Variants in ABCC8 observed in about 807,000 individuals in gnomAD.
ABCC8 encodes ATP binding cassette subfamily C member 8, also known as ATP-binding cassette sub-family C member 8.
A neutral mutation model predicts 188.0 loss-of-function variants in ABCC8; 137 were observed. The ratio of observed to expected loss-of-function variants is 0.73; its 90% CI spans 0.63 to 0.84. The LOEUF (loss-of-function observed/expected upper bound fraction) is 0.84, where lower values mean the gene tolerates loss of function less well. Ranked by LOEUF, ABCC8 falls within the 40% of genes least tolerant of loss-of-function variation. The pLI is 0.00. For missense variants in ABCC8, 1,750 were observed against 2,072.7 expected, an observed-to-expected ratio of 0.84 and a Z score of 3.02; for synonymous variants, 797 against 846.5, an observed-to-expected ratio of 0.94 and a Z score of 1.01.
In ABCC8 at chr11:17,463,515, G is replaced by A. The variant is rs756823374; in HGVS notation, c.502C>T (p.Arg168Cys). The change falls in exon 4 of 39, where the codon CGC becomes TGC. Residue 168 changes from arginine to cysteine, a missense_variant. Arg to Cys is a radical substitution (Grantham distance 180). Coordinates refer to ENST00000389817, the MANE Select transcript of ABCC8 (RefSeq NM_000352.6). Reference protein sequence around the residue: ...LDHAIGFSQLRFCLTGLLVIL... With the variant: ...LDHAIGFSQLCFCLTGLLVIL... Reference sequence around the variant, plus strand: ...ACCAGCAGCCCTGTGAGGCAGAAGCGTAGCTGCGAGAAGCCGATGGCGTGG... The same window carrying A: ...ACCAGCAGCCCTGTGAGGCAGAAGCATAGCTGCGAGAAGCCGATGGCGTGG... 1.2e-5 allele frequency: 20 copies of A among 1,600,116 alleles called. No individual in the cohort carries two copies. Among genetic ancestry groups the A allele is most frequent in the Middle Eastern group, 1.6e-4 (1 of 6,070 alleles).
chr11:17,398,870 C>G (rs986434258), intron 29 of ABCC8: 3 of 277,738 alleles, frequency 1.1e-5, no homozygotes, highest in African/African-American at 6.6e-5. Flanking sequence ...CATCAGCTTC[C>G]TGAATACGTC....
At chr11:17,463,372 C>G in intron 4 of ABCC8, 66 bp downstream of exon 4, 1 of 1,387,882 alleles carries the variant, frequency 7.2e-7, no homozygotes, top group Non-Finnish European at 1.0e-6. Context: ...GGGGCCTGAA[C>G]CCAGGGCAGG....
At chr11:17,415,186 C>T (rs1591766794) in intron 18 of ABCC8, 118 bp downstream of exon 18, 3 of 1,436,632 alleles carry the variant, frequency 2.1e-6, no homozygotes, top group Non-Finnish European at 1.9e-6. Context: ...TCCCTGGCCT[C>T]CCCCAACACT....
At chr11:17,445,354 C>T (rs1956483326) in intron 8 of ABCC8, among the ~76,000 whole-genome samples, 2 of 152,138 alleles carry the variant, frequency 1.3e-5, no homozygotes, top group South Asian at 4.1e-4. Flanking sequence ...CCAATGGGTA[C>T]GGGTTTCTTT....
At chr11:17,432,458 T>G in intron 10 of ABCC8, 1 of 1,004,344 alleles carries the variant, frequency 1.0e-6, no homozygotes, top group Non-Finnish European at 1.4e-6. Context: ...GGCCCCCGAC[T>G]CTGGGGCTTA....
At position 17,450,621 on chromosome 11, in the gene ABCC8, T is replaced by C. The variant is rs566446669; in HGVS notation, c.1177-1950A>G. On this transcript the variant is annotated intron_variant, in intron 7 of 38. Coordinates refer to ENST00000389817, the MANE Select transcript of ABCC8 (RefSeq NM_000352.6). ...ACCATGTTAGCCAGGATGGTCTCGA[T>C]CTCCTGACCTTGTGATCCACCCGCC... Among the ~76,000 whole-genome samples, 5 of 148,292 alleles carry C rather than the reference T, an allele frequency of 3.4e-5. No homozygotes were observed. In the South Asian group the frequency reaches 8.6e-4, roughly 25 times the overall value.
rs1484689392 is a variant in ABCC8 at position 17,412,701 on chromosome 11, G to A, written c.2521C>T (p.Arg841Ter). 3 of 1,612,030 alleles carry A rather than the reference G, an allele frequency of 1.9e-6. No individual in the cohort carries two copies. The highest frequency in any genetic ancestry group is 2.2e-5 in the East Asian group (1 of 44,788). ...ACGTTGGCGTGCTGGTAGAGGGCTC[G>A]GGCCACACTGATTCGCTGGCGTTGA... The part of the protein sequence containing the change: ...GGQRQRISVA[R>*]ALYQHANVVF... Residue 841 changes from arginine (R) to a stop codon, truncating the protein, a stop_gained, in exon 21 of 39, where the codon CGA becomes TGA. Coordinates refer to ENST00000389817, the MANE Select transcript of ABCC8 (RefSeq NM_000352.6). LOFTEE classifies it high-confidence loss of function.
chr11:17,443,728 C>T (rs567946181), intron 8 of ABCC8, among the ~76,000 whole-genome samples: 57 of 152,344 alleles, frequency 3.7e-4, no homozygotes, highest in African/African-American at 1.4e-3. Context: ...GGCAAAGTTA[C>T]TGCACCCATG....
intron 8 of ABCC8, among the ~76,000 whole-genome samples, chr11:17,445,575 C>T (rs771546068): frequency 3.9e-5 from 6 of 152,230 alleles, no homozygotes; most frequent in Non-Finnish European, 8.8e-5. Context: ...TTATAAAAAG[C>T]CTTACGTGCC....
At chr11:17,446,688 G>A (rs1956542400) in intron 8 of ABCC8, among the ~76,000 whole-genome samples, 1 of 152,170 alleles carries the variant, frequency 6.6e-6, no homozygotes, top group African/African-American at 2.4e-5. Context: ...TGGAGCGGGG[G>A]CAGTCTGGGC....
chr11:17,396,842 C>T, intron 33 of ABCC8, 74 bp downstream of exon 33: 1 of 1,581,978 alleles, frequency 6.3e-7, no homozygotes, highest in Non-Finnish European at 8.6e-7. Context: ...GACTGCGAAG[C>T]CATCCAGCTC....
At position 17,476,671 on chromosome 11, in the gene ABCC8, G is replaced by A. The variant is rs1565001297; in HGVS notation, c.106C>T (p.His36Tyr). ...CFVDALNVVPHVFLLFITFPI... is the reference protein window; with the variant it reads ...CFVDALNVVPYVFLLFITFPI... Reference sequence around the variant, plus strand: ...AAGGTGATGAAGAGTAGGAAGACGTGCGGCACCACGTTGAGCGCGTCCACA... The same window carrying A: ...AAGGTGATGAAGAGTAGGAAGACGTACGGCACCACGTTGAGCGCGTCCACA... The change falls in exon 1 of 39, where the codon CAC (histidine) becomes TAC (tyrosine). Residue 36 changes from histidine (H) to tyrosine (Y), a missense_variant. Transcript: ENST00000389817. The A allele has an allele frequency of 3.7e-6, 6 of 1,612,388 alleles. No homozygotes were observed. The highest frequency in any genetic ancestry group is 2.2e-5 in the East Asian group (1 of 44,824).
Position 17,406,634 on chromosome 11 carries a change from A to G in ABCC8, c.3317T>C (p.Leu1106Pro). The G allele has an allele frequency of 6.2e-7, 1 of 1,614,104 alleles. No homozygotes were observed. Among genetic ancestry groups the G allele is most frequent in the Non-Finnish European group, 8.5e-7 (1 of 1,179,946 alleles). ...GGGAGACGGGTACCTCATGGGGGCT[A>G]GGATGATCCGGTTTAGCAGGCTGCG... The part of the protein sequence containing the change: ...LHRSLLNRII[L>P]APMRFFETTP... Residue 1106 changes from leucine to proline, a missense_variant, in exon 26 of 39, where the codon CTA becomes CCA. Leu to Pro is a moderately conservative substitution (Grantham distance 98). Transcript: ENST00000389817.
chr11:17,425,654 T>A (rs1392757060), intron 16 of ABCC8, among the ~76,000 whole-genome samples: 1 of 152,188 alleles, frequency 6.6e-6, no homozygotes, highest in African/African-American at 2.4e-5. Context: ...CAGTTCCTAT[T>A]TTCTTACCTT....
chr11:17,455,862 C>G (rs984325494), intron 6 of ABCC8, among the ~76,000 whole-genome samples: 7 of 151,070 alleles, frequency 4.6e-5, no homozygotes, highest in African/African-American at 1.7e-4. Context: ...TTGCTTGAAC[C>G]CAGGAGGCAG....
At chr11:17,445,827 G>C (rs931034406) in intron 8 of ABCC8, among the ~76,000 whole-genome samples, 5 of 152,212 alleles carry the variant, frequency 3.3e-5, no homozygotes, top group Admixed American at 1.3e-4. Flanking sequence ...TACAAGGGAG[G>C]GGGGCTGGGA....
chr11:17,453,230 G>C lies in ABCC8; in HGVS notation c.1065C>G (p.Ala355=). The stretch of plus-strand genomic sequence containing the variant: ...GGAACAGAAGCACAGCTAAGACGTA[G>C]GCATTGGCAAGGAACTCTTGGGATG... ...FVSSQEFLAN[A]YVLAVLLFLA... is the part of the protein sequence containing the mutation. The change falls in exon 7 of 39, where the codon GCC becomes GCG. Residue 355 remains alanine, a synonymous_variant. Transcript: ENST00000389817. The C allele has an allele frequency of 1.2e-6, 2 of 1,614,166 alleles. No homozygotes were observed. The highest frequency in any genetic ancestry group is 8.5e-7 in the Non-Finnish European group (1 of 1,180,032).
At chr11:17,474,566 G>T (rs1407437257) in intron 2 of ABCC8, among the ~76,000 whole-genome samples, 8 of 151,730 alleles carry the variant, frequency 5.3e-5, no homozygotes, top group Non-Finnish European at 8.8e-5. Flanking sequence ...TTCCAAGAAG[G>T]TAACTCCGGC....
chr11:17,395,348 C>T, intron 35 of ABCC8, 73 bp from the exon 36 acceptor site: 1 of 1,549,954 alleles, frequency 6.5e-7, no homozygotes, highest in Non-Finnish European at 8.7e-7. Flanking sequence ...GCAAAGAGGG[C>T]AGTGAGCGAG....
Sources: allele counts gnomAD v4.1 joint callset (sites outside exome capture counted in the v4.1 genomes callset), GRCh38; gene constraint gnomAD v4.1.1; transcripts MANE v1.5; gene names NCBI Gene and HGNC (gene_info 2026-07-23, HGNC 2026-07-21).